ASCC3: variants seen among roughly 807,000 people sequenced by gnomAD.
ASCC3 encodes the protein ASC-1 complex subunit P200.
In ASCC3, 158 loss-of-function variants were observed where a neutral mutation model predicts 256.3. The observed-to-expected ratio is 0.62, with a 90% confidence interval of 0.54 to 0.70. The LOEUF (loss-of-function observed/expected upper bound fraction) is 0.70. Among genes scored for constraint, ASCC3 ranks in the 30% least tolerant of loss-of-function variants. ASCC3 has a pLI of 0.00. For synonymous variants in ASCC3, 948 were observed against 883.4 expected, an observed-to-expected ratio of 1.07 and a Z score of -1.30; for missense variants, 2,259 against 2,626.0, an observed-to-expected ratio of 0.86 and a Z score of 3.05.
In ASCC3 at chr6:100,849,158, A is replaced by G. The variant is rs528093867; in HGVS notation, c.242-451T>C. 3.0e-4 allele frequency among the ~76,000 whole-genome samples: 45 copies of G among 152,174 alleles called. 1 individual carries two copies. Among genetic ancestry groups the G allele is most frequent in the Non-Finnish European group, 2.1e-4 (14 of 68,028 alleles). On this transcript the variant is annotated intron_variant, in intron 3 of 41. Coordinates refer to ENST00000369162, the MANE Select transcript of ASCC3 (RefSeq NM_006828.4). ...CAGATAGCCAATTTAAGGAGCAGGA[A>G]CCAACCCATTCCTGAAGAACTATTT...
At chr6:100,870,290 G>A (rs1364353151) in intron 1 of ASCC3, among the ~76,000 whole-genome samples, 2 of 151,648 alleles carry the variant, frequency 1.3e-5, no homozygotes, top group Non-Finnish European at 2.9e-5. Flanking sequence ...CTTGAACCTG[G>A]GAGGCAGAGG....
intron 10 of ASCC3, among the ~76,000 whole-genome samples, chr6:100,740,783 ATG>A (rs1395334690): frequency 6.6e-6 from 1 of 152,046 alleles, no homozygotes; most frequent in African/African-American, 2.4e-5. Context: ...TTTTGAGTTT[ATG>A]TGTGTCTTTG....
At chr6:100,796,797 C>T (rs952192069) in intron 8 of ASCC3, among the ~76,000 whole-genome samples, 4 of 152,020 alleles carry the variant, frequency 2.6e-5, no homozygotes, top group African/African-American at 7.2e-5. Flanking sequence ...TTATGGCAGA[C>T]GAATATAGTT....
intron 34 of ASCC3, among the ~76,000 whole-genome samples, chr6:100,600,451 G>T (rs865795993): frequency 6.6e-6 from 1 of 152,044 alleles, no homozygotes; most frequent in Admixed American, 6.6e-5. Context: ...GTTCTGGATG[G>T]CTATCTCACT....
At chr6:100,762,846 T>C (rs969907098) in intron 10 of ASCC3, among the ~76,000 whole-genome samples, 3 of 152,132 alleles carry the variant, frequency 2.0e-5, no homozygotes, top group African/African-American at 7.2e-5. Context: ...GAGAGTAATA[T>C]GATCAGAATG....
chr6:100,837,052 C>CA (rs1771910405), intron 4 of ASCC3, among the ~76,000 whole-genome samples: 1 of 151,938 alleles, frequency 6.6e-6, no homozygotes, highest in South Asian at 2.1e-4. Flanking sequence ...AATAATCCAT[C>CA]AAAAATGAGC....
At chr6:100,557,791 C>T (rs1769687517) in intron 36 of ASCC3, among the ~76,000 whole-genome samples, 1 of 151,932 alleles carries the variant, frequency 6.6e-6, no homozygotes, top group Admixed American at 6.6e-5. Context: ...TTTGACAACA[C>T]AACAAGGTGA....
intron 10 of ASCC3, among the ~76,000 whole-genome samples, chr6:100,744,105 GCAGAAGCTCAAACCTTCAGCAAATC>G (rs1293573652): frequency 2.0e-5 from 3 of 152,118 alleles, no homozygotes; most frequent in Non-Finnish European, 4.4e-5. Context: ...CTTATCCTTA[GCAGAAGCTCAAACCTTCAGCAAATC>G]CAGAAGCTGA....
chr6:100,865,173 A>C lies in ASCC3; in HGVS notation c.91-959T>G, dbSNP rs116906160. 7.3e-3 allele frequency among the ~76,000 whole-genome samples: 1,110 copies of C among 152,338 alleles called. 2 individuals are homozygous for C. The highest frequency in any genetic ancestry group is 0.013 in the Non-Finnish European group (853 of 68,016). ...TGGCCATAAAATGAATTAAGTTGTT[A>C]CAATGGAGTCGTAAGCATATTAAGG... On this transcript the variant is annotated intron_variant, in intron 2 of 41. Coordinates refer to ENST00000369162, the MANE Select transcript of ASCC3 (RefSeq NM_006828.4).
At position 100,699,474 on chromosome 6, in the gene ASCC3, CAGTCTTAGGTA is replaced by C. The variant is rs111564286; in HGVS notation, c.2151+15977_2151+15987del. On this transcript the variant is annotated intron_variant, in intron 13 of 41. Transcript: ENST00000369162. ...GAAACCTCTTTTTTTGTAAATTGCT[CAGTCTTAGGTA>C]AGTCTTTATCAGCAGTGTGAAAATG... Among the ~76,000 whole-genome samples the C allele has an allele frequency of 3.3e-5, 5 of 152,264 alleles. 1 individual carries two copies. Among genetic ancestry groups the C allele is most frequent in the African/African-American group, 1.2e-4 (5 of 41,554 alleles).
rs146579543 is a variant in ASCC3 at position 100,790,965 on chromosome 6, G to C, written c.1395+7748C>G. ...AGACAAAATGAATTCTTATTTAGAA[G>C]AGAAAACATAGACAGTATTTCCCCT... On this transcript the variant is annotated intron_variant, in intron 8 of 41. Transcript: ENST00000369162. Among the ~76,000 whole-genome samples the C allele has an allele frequency of 5.5e-3, 831 of 151,910 alleles. 8 individuals carry two copies. The highest frequency in any genetic ancestry group is 0.014 in the Middle Eastern group (4 of 294).
At chr6:100,852,319 CA>C (rs1772721274) in intron 3 of ASCC3, among the ~76,000 whole-genome samples, 1 of 152,120 alleles carries the variant, frequency 6.6e-6, no homozygotes, top group African/African-American at 2.4e-5. Context: ...GCTGAACCAC[CA>C]CCCAATTGGC....
intron 14 of ASCC3, among the ~76,000 whole-genome samples, chr6:100,665,083 T>C (rs1021122975): frequency 9.9e-5 from 15 of 152,158 alleles, no homozygotes; most frequent in African/African-American, 3.4e-4. Flanking sequence ...GAAGTATGTA[T>C]CTGTGATAGA....
intron 5 of ASCC3, among the ~76,000 whole-genome samples, chr6:100,803,742 T>A (rs2114356846): frequency 6.6e-6 from 1 of 152,290 alleles, no homozygotes; most frequent in Non-Finnish European, 1.5e-5. Flanking sequence ...ATCAAGAGAA[T>A]CTGTAAGAAA....
At chr6:100,768,738 C>T (rs1366267266) in intron 8 of ASCC3, among the ~76,000 whole-genome samples, 6 of 152,102 alleles carry the variant, frequency 3.9e-5, no homozygotes, top group Admixed American at 3.9e-4. Context: ...ACTTGATTGA[C>T]ACTTATTCAT....
intron 30 of ASCC3, among the ~76,000 whole-genome samples, chr6:100,619,717 C>A (rs1379084788): frequency 6.6e-6 from 1 of 152,118 alleles, no homozygotes; most frequent in Non-Finnish European, 1.5e-5. Flanking sequence ...TATATATCAA[C>A]ATATTTTAAC....
At chr6:100,565,669 C>G (rs1384194605) in intron 36 of ASCC3, among the ~76,000 whole-genome samples, 1 of 151,936 alleles carries the variant, frequency 6.6e-6, no homozygotes, top group Non-Finnish European at 1.5e-5. Flanking sequence ...AAAATATTAA[C>G]CTGGGGAGAG....
chr6:100,802,519 G>T (rs1484442273), intron 5 of ASCC3, among the ~76,000 whole-genome samples: 1 of 151,924 alleles, frequency 6.6e-6, no homozygotes, highest in Admixed American at 6.6e-5. Context: ...CCCAGTCTCA[G>T]GTATTTCTTT....
intron 37 of ASCC3, among the ~76,000 whole-genome samples, chr6:100,535,801 C>T (rs1290344978): frequency 6.6e-6 from 1 of 152,158 alleles, no homozygotes; most frequent in East Asian, 1.9e-4. Context: ...ATGCAGTTTT[C>T]TTTCCAGGTG....
Sources: allele counts gnomAD v4.1 joint callset (sites outside exome capture counted in the v4.1 genomes callset), GRCh38; gene constraint gnomAD v4.1.1; transcripts MANE v1.5; gene names NCBI Gene and HGNC (gene_info 2026-07-23, HGNC 2026-07-21).